The following BMPR1B variants were observed in gnomAD, a reference collection of about 807,000 sequenced individuals.
BMPR1B encodes the protein bone morphogenetic protein receptor type-1B.
A neutral mutation model predicts 59.1 loss-of-function variants in BMPR1B; 12 were observed. The ratio of observed to expected loss-of-function variants is 0.20; its 90% CI spans 0.13 to 0.33. The LOEUF (loss-of-function observed/expected upper bound fraction) is 0.33, where lower values mean the gene tolerates loss of function less well. BMPR1B is among the 10% of genes least tolerant of loss of function. BMPR1B has a pLI of 1.00. For missense variants in BMPR1B, 550 were observed against 610.9 expected, an observed-to-expected ratio of 0.90 and a Z score of 1.05; for synonymous variants, 237 against 207.3, an observed-to-expected ratio of 1.14 and a Z score of -1.23.
intron 2 of BMPR1B, among the ~76,000 whole-genome samples, chr4:94,922,684 A>G (rs1309013947): frequency 6.6e-6 from 1 of 152,152 alleles, no homozygotes; most frequent in Non-Finnish European, 1.5e-5. Flanking sequence ...GTAAGCATGC[A>G]CTGACTGTGT....
rs748411550 is a variant in BMPR1B at position 94,902,216 on chromosome 4, T to TCA, written c.-113+26349_-113+26350dup. Among the ~76,000 whole-genome samples, 251 of 77,358 alleles carry TCA rather than the reference T, an allele frequency of 3.2e-3. 3 individuals carry two copies. Among genetic ancestry groups the TCA allele is most frequent in the Middle Eastern group, 0.027 (3 of 112 alleles). The allele number at this position is 77,358 out of a possible 152,430, so 50.7% of individuals were successfully genotyped here. A position where few individuals can be genotyped will look rare whatever the true frequency, so the allele number is the denominator to read the frequency against. On this transcript the variant is annotated intron_variant, in intron 2 of 12. Coordinates refer to ENST00000515059, the MANE Select transcript of BMPR1B (RefSeq NM_001203.3). ...ATACCTGTATCAATGGAAATTCAAT[T>TCA]CACACACACACACACACACACACAC...
intron 6 of BMPR1B, among the ~76,000 whole-genome samples, chr4:95,118,228 G>A (rs1033961525): frequency 1.3e-5 from 2 of 152,028 alleles, no homozygotes; most frequent in Non-Finnish European, 2.9e-5. Flanking sequence ...ACCTTTTTGG[G>A]CCAGCTGTTT....
Position 95,118,581 on chromosome 4 carries a change from G to A in BMPR1B, c.349+2794G>A, listed in dbSNP as rs186851852. 4.8e-3 allele frequency among the ~76,000 whole-genome samples: 733 copies of A among 152,244 alleles called. 5 individuals carry two copies. Among genetic ancestry groups the A allele is most frequent in the Non-Finnish European group, 7.9e-3 (535 of 68,012 alleles). On this transcript the variant is annotated intron_variant, in intron 6 of 12. Transcript: ENST00000515059. ...TCTCAGAGTGAACCAGACTTCGCCC[G>A]GGAGTTCTCAGTTCTACTTCCCAGA...
At chr4:94,975,326 A>G (rs765570358) in intron 2 of BMPR1B, among the ~76,000 whole-genome samples, 7 of 138,108 alleles carry the variant, frequency 5.1e-5, no homozygotes, top group Non-Finnish European at 1.1e-4. Context: ...AACTCTTTTC[A>G]TTTTAATAAA....
chr4:95,140,899 A>G (rs909931782), intron 10 of BMPR1B, among the ~76,000 whole-genome samples: 4 of 152,352 alleles, frequency 2.6e-5, no homozygotes, highest in South Asian at 2.1e-4. Flanking sequence ...TAATGGAAGG[A>G]GAATGAACTG....
At chr4:94,786,290 A>G (rs1413387358) in intron 1 of BMPR1B, among the ~76,000 whole-genome samples, 1 of 152,026 alleles carries the variant, frequency 6.6e-6, no homozygotes, top group Admixed American at 6.6e-5. Context: ...CTTCTTTGGC[A>G]TGTTATTGAG....
At chr4:95,145,744 C>CT (rs1734593960) in intron 10 of BMPR1B, among the ~76,000 whole-genome samples, 1 of 152,218 alleles carries the variant, frequency 6.6e-6, no homozygotes, top group Admixed American at 6.5e-5. Flanking sequence ...GGATCTGACA[C>CT]TTTACAGTAT....
chr4:94,846,521 C>T (rs1444134175), intron 1 of BMPR1B, among the ~76,000 whole-genome samples: 1 of 152,086 alleles, frequency 6.6e-6, no homozygotes, highest in Non-Finnish European at 1.5e-5. Context: ...GGAGACTGGC[C>T]TAGCCTCCCA....
At chr4:95,046,587 G>A (rs114946899) in intron 3 of BMPR1B, among the ~76,000 whole-genome samples, 257 of 152,226 alleles carry the variant, frequency 1.7e-3, no homozygotes, top group African/African-American at 5.7e-3. Flanking sequence ...CAAAGACTCC[G>A]TAAATCTAGA....
At chr4:94,863,787 A>G (rs998385793) in intron 1 of BMPR1B, among the ~76,000 whole-genome samples, 1 of 152,140 alleles carries the variant, frequency 6.6e-6, no homozygotes, top group Non-Finnish European at 1.5e-5. Context: ...TGAAAGAGGC[A>G]GATATCTTTT....
At chr4:94,936,645 T>TG (rs1729311373) in intron 2 of BMPR1B, among the ~76,000 whole-genome samples, 1 of 152,160 alleles carries the variant, frequency 6.6e-6, no homozygotes, top group Non-Finnish European at 1.5e-5. Flanking sequence ...ATCTGTTTCT[T>TG]CTTGTTGATA....
At chr4:94,936,685 A>ATAAACT (rs1415955009) in intron 2 of BMPR1B, among the ~76,000 whole-genome samples, 1 of 152,186 alleles carries the variant, frequency 6.6e-6, no homozygotes, top group Admixed American at 6.5e-5. Flanking sequence ...AAAGATAGAA[A>ATAAACT]AAATATTTAG....
intron 2 of BMPR1B, among the ~76,000 whole-genome samples, chr4:94,971,889 G>C (rs1730805739): frequency 6.6e-6 from 1 of 151,784 alleles, no homozygotes; most frequent in Non-Finnish European, 1.5e-5. Flanking sequence ...ATAAATAAAA[G>C]TTGTAGAAGT....
At chr4:94,817,545 A>G (rs1002166590) in intron 1 of BMPR1B, among the ~76,000 whole-genome samples, 1 of 151,542 alleles carries the variant, frequency 6.6e-6, no homozygotes, top group African/African-American at 2.4e-5. Context: ...CGAAATGGGA[A>G]TTTTCCTAAT....
chr4:94,834,223 TTG>T (rs1724710645), intron 1 of BMPR1B, among the ~76,000 whole-genome samples: 1 of 152,176 alleles, frequency 6.6e-6, no homozygotes, highest in African/African-American at 2.4e-5. Context: ...CCTGAGGCAG[TTG>T]CCTGTAGGAA....
At chr4:95,110,812 A>G (rs1731574829) in intron 4 of BMPR1B, among the ~76,000 whole-genome samples, 1 of 152,192 alleles carries the variant, frequency 6.6e-6, no homozygotes, top group African/African-American at 2.4e-5. Flanking sequence ...GAGTCATAGT[A>G]TGCTTGATAA....
intron 2 of BMPR1B, among the ~76,000 whole-genome samples, chr4:94,903,584 TA>T (rs1314770647): frequency 6.6e-6 from 1 of 151,954 alleles, no homozygotes; most frequent in Non-Finnish European, 1.5e-5. Flanking sequence ...AGAATTCGGT[TA>T]TGAATTTTAT....
chr4:94,986,328 T>G (rs568706124), intron 2 of BMPR1B, among the ~76,000 whole-genome samples: 1 of 152,308 alleles, frequency 6.6e-6, no homozygotes, highest in African/African-American at 2.4e-5. Flanking sequence ...TTGAAGTAAA[T>G]TAGAGGATGG....
chr4:94,913,649 C>CTGTGTGTG (rs140050722), intron 2 of BMPR1B, among the ~76,000 whole-genome samples: 9 of 150,626 alleles, frequency 6.0e-5, no homozygotes, highest in African/African-American at 2.2e-4. Flanking sequence ...TTAATTATCT[C>CTGTGTGTG]TGTGTGTGTG....
Sources: allele counts gnomAD v4.1 joint callset (sites outside exome capture counted in the v4.1 genomes callset), GRCh38; gene constraint gnomAD v4.1.1; transcripts MANE v1.5; gene names NCBI Gene and HGNC (gene_info 2026-07-23, HGNC 2026-07-21).